FOXK1: variants seen among roughly 807,000 people sequenced by gnomAD.
FOXK1 encodes the protein forkhead box K1, also known as forkhead box protein K1.
In FOXK1, 19 loss-of-function variants were observed where a neutral mutation model predicts 51.9. The observed-to-expected ratio is 0.37, with a 90% CI of 0.26 to 0.54. The LOEUF (loss-of-function observed/expected upper bound fraction) is 0.54, where lower values mean the gene tolerates loss of function less well. FOXK1 is among the 20% of genes least tolerant of loss of function. FOXK1 has a pLI of 0.87. For synonymous variants in FOXK1, 537 were observed against 482.6 expected (o/e 1.11, Z -1.48); for missense variants, 870 against 1,032.7 (o/e 0.84, Z 2.16).
Position 4,768,184 on chromosome 7 carries a change from G to C in FOXK1, c.*5720G>C, listed in dbSNP as rs951240193. 1.7e-4 allele frequency: 21 copies of C among 123,578 alleles called. 2 individuals are homozygous for C. Among genetic ancestry groups the C allele is most frequent in the African/African-American group, 7.0e-4 (17 of 24,392 alleles). 7.7% of individuals were successfully genotyped at this position (123,578 alleles called of 1,614,324 possible). ...GTCTCGCTCTGTCGCCCAGGCTGGA[G>C]TGCAGTGGCGTGATCTCGGCTCACT... On this transcript the variant is annotated 3_prime_UTR_variant, in exon 9 of 9. Coordinates refer to ENST00000328914, the MANE Select transcript of FOXK1 (RefSeq NM_001037165.2).
At chr7:4,706,674 T>C (rs1780106372) in intron 1 of FOXK1, among the ~76,000 whole-genome samples, 1 of 152,246 alleles carries the variant, frequency 6.6e-6, no homozygotes, top group African/African-American at 2.4e-5. Context: ...GTCTGAATTG[T>C]TTTCGGAGTG....
chr7:4,716,591 C>T (rs1294620313), intron 1 of FOXK1, among the ~76,000 whole-genome samples: 1 of 152,196 alleles, frequency 6.6e-6, no homozygotes, highest in Non-Finnish European at 1.5e-5. Flanking sequence ...CCAGACATGT[C>T]ACTGTGGCCT....
rs141754721 is a variant in FOXK1 at position 4,741,772 on chromosome 7, T to C, written c.746+749T>C. On this transcript the variant is annotated intron_variant, in intron 2 of 8. Transcript: ENST00000328914. ...TCCTCAAACTTCCTCATCTCTGGCA[T>C]GTTATACAATGATGAGCCCCTGAGT... 5.3e-3 allele frequency among the ~76,000 whole-genome samples: 803 copies of C among 152,370 alleles called. 8 individuals carry two copies. Among genetic ancestry groups the C allele is most frequent in the Admixed American group, 0.011 (165 of 15,300 alleles).
At chr7:4,688,547 C>T (rs1190558637) in intron 1 of FOXK1, among the ~76,000 whole-genome samples, 8 of 152,128 alleles carry the variant, frequency 5.3e-5, no homozygotes, top group Non-Finnish European at 1.5e-5. Flanking sequence ...AGGCGCTCGC[C>T]ACGACACCTG....
chr7:4,762,312 C>G lies in FOXK1; in HGVS notation c.2050C>G (p.Pro684Ala). The G allele has an allele frequency of 6.4e-7, 1 of 1,550,506 alleles. No homozygotes were observed. Among genetic ancestry groups the G allele is most frequent in the East Asian group, 2.4e-5 (1 of 40,914 alleles). ...AAVAATATTT[P>A]ATATTASASA... Reference sequence around the variant, plus strand: ...CGTCGCGGCCACGGCCACCACCACCCCAGCCACTGCCACCACCGCCTCTGC... The same window carrying G: ...CGTCGCGGCCACGGCCACCACCACCGCAGCCACTGCCACCACCGCCTCTGC... The change falls in exon 9 of 9, where the codon CCA (proline) becomes GCA (alanine). Residue 684 changes from proline (P) to alanine (A), a missense_variant. Pro to Ala is a conservative substitution (Grantham distance 27). Around this residue, in one of 3 missense-constraint regions of FOXK1, gnomAD observed 457 missense variants for 510.8 expected, o/e 0.89. Coordinates refer to ENST00000328914, the MANE Select transcript of FOXK1 (RefSeq NM_001037165.2). The surrounding 1 kb of genome is among the most constrained non-coding windows in gnomAD (Gnocchi z 5.7).
intron 1 of FOXK1, among the ~76,000 whole-genome samples, chr7:4,719,799 C>T (rs1232430865): frequency 6.6e-6 from 1 of 152,190 alleles, no homozygotes; most frequent in East Asian, 1.9e-4. Context: ...AACATCTCTT[C>T]ATGTGCTTAT....
Position 4,749,700 on chromosome 7 carries a change from T to C in FOXK1, c.747-4759T>C, listed in dbSNP as rs1423725446. On this transcript the variant is annotated intron_variant, in intron 2 of 8. Coordinates refer to ENST00000328914, the MANE Select transcript of FOXK1 (RefSeq NM_001037165.2). The surrounding 1 kb of genome is among the most constrained non-coding windows in gnomAD (Gnocchi z 6.0). ...TGTCCCGACCCTAGGCCTCTCAGGG[T>C]GGCCTTCTCAGCCTCAGAGCAGAGC... Among the ~76,000 whole-genome samples the C allele has an allele frequency of 6.6e-6, 1 of 152,130 alleles. No homozygotes were observed.
intron 1 of FOXK1, among the ~76,000 whole-genome samples, chr7:4,687,912 G>A (rs534214080): frequency 1.3e-5 from 2 of 151,886 alleles, no homozygotes; most frequent in Non-Finnish European, 1.5e-5. Flanking sequence ...TTTTAATTTT[G>A]TAGAGACAGG....
Position 4,757,579 on chromosome 7 carries a change from G to A in FOXK1, c.1244+392G>A, listed in dbSNP as rs754231463. Among the ~76,000 whole-genome samples the A allele has an allele frequency of 4.5e-4, 58 of 128,736 alleles. 1 individual carries two copies. Among genetic ancestry groups the A allele is most frequent in the African/African-American group, 1.4e-3 (48 of 33,966 alleles). The allele number at this position is 128,736 out of a possible 152,430, so 84.5% of individuals were successfully genotyped here. ...TCGGAGGCAGAAGTTGCAGTGAGCC[G>A]AGATTGTATGTACCACTGCACTGCA... On this transcript the variant is annotated intron_variant, in intron 5 of 8. Transcript: ENST00000328914.
intron 1 of FOXK1, among the ~76,000 whole-genome samples, chr7:4,727,639 C>T (rs868137455): frequency 2.0e-5 from 3 of 152,192 alleles, no homozygotes; most frequent in Admixed American, 1.3e-4. Flanking sequence ...TTCTAAAGTG[C>T]GGTGTTTCTC....
rs887562919 is a variant in FOXK1, at chr7:4,747,189, G to A, written c.746+6166G>A. ...GCGCCCGACTTCTCAGGTCAGCCTC[G>A]GGTGACAAGCGGCTTGTGTGGAGTA... On this transcript the variant is annotated intron_variant, in intron 2 of 8. Coordinates refer to ENST00000328914, the MANE Select transcript of FOXK1 (RefSeq NM_001037165.2). The surrounding 1 kb of genome is among the most constrained non-coding windows in gnomAD (Gnocchi z 9.2). Among the ~76,000 whole-genome samples the A allele has an allele frequency of 6.6e-6, 1 of 152,190 alleles. No individual in the cohort carries two copies. The highest frequency in any genetic ancestry group is 2.4e-5 in the African/African-American group (1 of 41,446).
intron 2 of FOXK1, among the ~76,000 whole-genome samples, chr7:4,746,458 T>C (rs1429061550): frequency 1.3e-5 from 2 of 152,100 alleles, no homozygotes; most frequent in Admixed American, 6.6e-5. Flanking sequence ...GGCAGGAGGA[T>C]TGCTTGAGGC....
intron 1 of FOXK1, among the ~76,000 whole-genome samples, chr7:4,714,292 G>C (rs1780208409): frequency 1.3e-5 from 2 of 151,756 alleles, no homozygotes; most frequent in South Asian, 2.1e-4. Flanking sequence ...GTGTCTGTTT[G>C]TTTGTTGAGA....
At chr7:4,737,366 C>G (rs1780566064) in intron 1 of FOXK1, among the ~76,000 whole-genome samples, 1 of 152,122 alleles carries the variant, frequency 6.6e-6, no homozygotes, top group African/African-American at 2.4e-5. Context: ...GCCATAGAAG[C>G]TATCTTTAAA....
Position 4,743,833 on chromosome 7 carries a change from G to T in FOXK1, c.746+2810G>T, listed in dbSNP as rs1439999130. On this transcript the variant is annotated intron_variant, in intron 2 of 8. Coordinates refer to ENST00000328914, the MANE Select transcript of FOXK1 (RefSeq NM_001037165.2). This position sits in a 1 kb window ranked among gnomAD's most constrained non-coding sequence, Gnocchi z 5.3. The stretch of plus-strand genomic sequence containing the variant: ...TAGGCCAGCGCCCCCGCCTTAGCCT[G>T]GGAGTGGGTTATTAATCAGCAGGTT... Among the ~76,000 whole-genome samples, 2 of 152,194 alleles carry T rather than the reference G, an allele frequency of 1.3e-5. No homozygotes were observed. Among genetic ancestry groups the T allele is most frequent in the African/African-American group, 4.8e-5 (2 of 41,436 alleles).
rs1181686761 is a variant in FOXK1, at chr7:4,743,893, T to C, written c.746+2870T>C. Among the ~76,000 whole-genome samples, 3 of 151,324 alleles carry C rather than the reference T, an allele frequency of 2.0e-5. No homozygotes were observed. The highest frequency in any genetic ancestry group is 2.9e-5 in the Non-Finnish European group (2 of 67,958). ...CTAAACAGAAGCTTTTTTTTTTTTT[T>C]TGAGACGGAGTCTTGCTCTGTCGCC... On this transcript the variant is annotated intron_variant, in intron 2 of 8. Transcript: ENST00000328914. The surrounding 1 kb of genome is among the most constrained non-coding windows in gnomAD (Gnocchi z 5.3).
rs77906081 is a variant in FOXK1 at position 4,756,961 on chromosome 7, T to C, written c.1051-33T>C. 2 of 1,604,596 alleles carry C rather than the reference T, an allele frequency of 1.2e-6. No individual in the cohort carries two copies. Among genetic ancestry groups the C allele is most frequent in the Admixed American group, 1.7e-5 (1 of 59,194 alleles). The stretch of plus-strand genomic sequence containing the variant: ...GGGTGGGACTCATTTTCTGATTTGC[T>C]GGTGATGGGTGAATATCTCTGCTTC... On this transcript the variant is annotated intron_variant, in intron 4 of 8. Coordinates refer to ENST00000328914, the MANE Select transcript of FOXK1 (RefSeq NM_001037165.2). The surrounding 1 kb of genome is among the most constrained non-coding windows in gnomAD (Gnocchi z 4.1).
At position 4,756,913 on chromosome 7, in the gene FOXK1, C is replaced by T. The variant is rs1266838870; in HGVS notation, c.1051-81C>T. ...GGACGGCCTCCCCTCACCCTGGTCC[C>T]GCATCTGCTGCAGATTTGAGGTGGG... On this transcript the variant is annotated intron_variant, in intron 4 of 8. Coordinates refer to ENST00000328914, the MANE Select transcript of FOXK1 (RefSeq NM_001037165.2). The surrounding 1 kb of genome is among the most constrained non-coding windows in gnomAD (Gnocchi z 4.1). 8.7e-6 allele frequency: 13 copies of T among 1,486,168 alleles called. No individual in the cohort carries two copies. The highest frequency in any genetic ancestry group is 1.7e-5 in the Admixed American group (1 of 57,184). The allele number at this position is 1,486,168 out of a possible 1,614,324, so 92.1% of individuals were successfully genotyped here.
intron 1 of FOXK1, among the ~76,000 whole-genome samples, chr7:4,720,848 A>C (rs777299645): frequency 3.3e-5 from 5 of 150,802 alleles, no homozygotes; most frequent in Admixed American, 1.3e-4. Flanking sequence ...CCTCCTGAGC[A>C]CCTGGAATTA....
Sources: allele counts gnomAD v4.1 joint callset (sites outside exome capture counted in the v4.1 genomes callset), GRCh38; gene constraint gnomAD v4.1.1; regional missense constraint gnomAD v4.1.1; non-coding constraint Gnocchi (gnomAD v3.1); transcripts MANE v1.5; gene names NCBI Gene and HGNC (gene_info 2026-07-23, HGNC 2026-07-21).